DIP2B: variants seen among roughly 807,000 people sequenced by gnomAD.
DIP2B encodes disco-interacting protein 2 homolog B.
Under a neutral mutation model 198.0 loss-of-function variants are expected in DIP2B, and 76 were observed. That is an observed-to-expected ratio of 0.38 (90% confidence interval 0.32 to 0.46). The LOEUF is 0.46. Ranked by LOEUF, DIP2B falls within the 20% of genes least tolerant of loss-of-function variation. The pLI, the probability that DIP2B is intolerant of heterozygous loss-of-function variation, is 0.99. For synonymous variants in DIP2B, 701 were observed against 739.1 expected, an observed-to-expected ratio of 0.95 and a Z score of 0.84; for missense variants, 1,559 against 1,978.4, an observed-to-expected ratio of 0.79 and a Z score of 4.02.
intron 35 of DIP2B, among the ~76,000 whole-genome samples, chr12:50,738,818 C>G (rs1167697023): frequency 6.6e-6 from 1 of 152,194 alleles, no homozygotes; most frequent in Non-Finnish European, 1.5e-5. Context: ...TAGCACCTAC[C>G]TCACCTCCTG....
chr12:50,648,519 A>G (rs944968379), intron 3 of DIP2B, among the ~76,000 whole-genome samples: 4 of 151,856 alleles, frequency 2.6e-5, no homozygotes, highest in Admixed American at 2.0e-4. Flanking sequence ...ACCTGCCACC[A>G]CGCCCGGCTA....
At chr12:50,730,637 A>G (rs556279293) in intron 30 of DIP2B, among the ~76,000 whole-genome samples, 1 of 152,040 alleles carries the variant, frequency 6.6e-6, no homozygotes, top group African/African-American at 2.4e-5. Flanking sequence ...TCCTCCCATC[A>G]TGGCCTCCCA....
chr12:50,506,910 A>G (rs1223488656), intron 1 of DIP2B, among the ~76,000 whole-genome samples: 2 of 152,170 alleles, frequency 1.3e-5, no homozygotes, highest in East Asian at 3.8e-4. Flanking sequence ...TCAGAGGGAG[A>G]TTAAAAATAG....
chr12:50,618,402 C>G (rs1180605415), intron 1 of DIP2B, among the ~76,000 whole-genome samples: 1 of 152,196 alleles, frequency 6.6e-6, no homozygotes, highest in Admixed American at 6.5e-5. Context: ...ATTACAGCTT[C>G]TGTGTCTGTT....
chr12:50,518,482 T>G (rs983576337), intron 1 of DIP2B, among the ~76,000 whole-genome samples: 4 of 152,202 alleles, frequency 2.6e-5, no homozygotes, highest in African/African-American at 9.6e-5. Flanking sequence ...GTACTGGGAT[T>G]ACAGGCGTGA....
At chr12:50,737,743 T>C (rs1940163304) in intron 35 of DIP2B, among the ~76,000 whole-genome samples, 1 of 151,866 alleles carries the variant, frequency 6.6e-6, no homozygotes, top group African/African-American at 2.4e-5. Flanking sequence ...CGTGCCACCA[T>C]GTCTGGCTAA....
At chr12:50,688,769 G>T (rs1008630578) in intron 12 of DIP2B, among the ~76,000 whole-genome samples, 2 of 152,202 alleles carry the variant, frequency 1.3e-5, no homozygotes, top group African/African-American at 4.8e-5. Context: ...TAAAACTCCA[G>T]TCCTGGCTTC....
intron 1 of DIP2B, among the ~76,000 whole-genome samples, chr12:50,575,770 T>C (rs1282511288): frequency 6.6e-6 from 1 of 151,886 alleles, no homozygotes; most frequent in East Asian, 1.9e-4. Context: ...GCCAATATTT[T>C]TTTTTGAGAT....
At chr12:50,579,472 T>A (rs1386799450) in intron 1 of DIP2B, among the ~76,000 whole-genome samples, 1 of 149,866 alleles carries the variant, frequency 6.7e-6, no homozygotes, top group African/African-American at 2.5e-5. Context: ...ATTAGCCAGG[T>A]GTGGTGGCAG....
intron 1 of DIP2B, among the ~76,000 whole-genome samples, chr12:50,508,360 T>C (rs1001999651): frequency 2.6e-5 from 4 of 152,238 alleles, no homozygotes; most frequent in Non-Finnish European, 4.4e-5. Context: ...CTTATGTATA[T>C]GGTCTAGTCA....
At chr12:50,731,666 G>C (rs1816014959) in intron 31 of DIP2B, 129 bp downstream of exon 31, 2 of 1,159,144 alleles carry the variant, frequency 1.7e-6, no homozygotes, top group African/African-American at 1.5e-5. Context: ...AGTTAAAAAA[G>C]GGTGTATTTT....
chr12:50,642,167 G>C (rs2139488391), intron 3 of DIP2B, among the ~76,000 whole-genome samples: 1 of 152,258 alleles, frequency 6.6e-6, no homozygotes, highest in African/African-American at 2.4e-5. Context: ...ACCTAAACTG[G>C]TCTTGAGTGA....
At chr12:50,628,776 G>A (rs542389219) in intron 2 of DIP2B, among the ~76,000 whole-genome samples, 23 of 152,284 alleles carry the variant, frequency 1.5e-4, no homozygotes, top group African/African-American at 4.6e-4. Context: ...TTCTCAGCCC[G>A]TTTTAGTTCC....
chr12:50,698,783 T>G (rs192576923), intron 18 of DIP2B, among the ~76,000 whole-genome samples: 1 of 152,362 alleles, frequency 6.6e-6, no homozygotes, highest in Non-Finnish European at 1.5e-5. Flanking sequence ...AGCATACTGC[T>G]TCCAAGAGTG....
intron 1 of DIP2B, among the ~76,000 whole-genome samples, chr12:50,530,135 G>T (rs1958202869): frequency 6.6e-6 from 1 of 152,004 alleles, no homozygotes; most frequent in Non-Finnish European, 1.5e-5. Context: ...GGAGTGCGGT[G>T]GCGCGATCTC....
chr12:50,655,657 A>G (rs748139931), intron 3 of DIP2B, among the ~76,000 whole-genome samples: 1 of 152,248 alleles, frequency 6.6e-6, no homozygotes, highest in Non-Finnish European at 1.5e-5. Flanking sequence ...AACACTAGTT[A>G]GAAGATTTAT....
At chr12:50,579,424 G>A (rs1958694191) in intron 1 of DIP2B, among the ~76,000 whole-genome samples, 1 of 150,940 alleles carries the variant, frequency 6.6e-6, no homozygotes, top group African/African-American at 2.4e-5. Flanking sequence ...ACCAGCCTGG[G>A]CAACATGGTG....
intron 1 of DIP2B, among the ~76,000 whole-genome samples, chr12:50,537,795 G>T (rs1431202039): frequency 2.0e-5 from 3 of 152,154 alleles, no homozygotes; most frequent in Non-Finnish European, 2.9e-5. Flanking sequence ...AGGTGGACTG[G>T]GGTGGGTGGT....
At chr12:50,714,128 C>T (rs1565879724) in intron 22 of DIP2B, among the ~76,000 whole-genome samples, 1 of 152,164 alleles carries the variant, frequency 6.6e-6, no homozygotes, top group South Asian at 2.1e-4. Context: ...AGAGAACATA[C>T]TGAGTTGCAA....
Sources: gnomAD v4.1 joint callset for allele counts (sites outside exome capture counted in the v4.1 genomes callset) on GRCh38, gnomAD v4.1.1 for gene constraint, MANE v1.5 for transcripts, NCBI Gene and HGNC (gene_info 2026-07-23, HGNC 2026-07-21) for gene names.